WNK2: variants seen among roughly 807,000 people sequenced by gnomAD.
WNK2 encodes the protein WNK lysine deficient protein kinase 2, also known as serine/threonine-protein kinase WNK2.
WNK2 carries 67 observed loss-of-function variants against 192.1 expected under a neutral mutation model. That is an observed-to-expected ratio of 0.35 (90% CI 0.29 to 0.43). The LOEUF (loss-of-function observed/expected upper bound fraction) is 0.43. Among genes scored for constraint, WNK2 ranks in the 20% least tolerant of loss-of-function variants. WNK2 has a pLI of 1.00. For missense variants in WNK2, 2,698 were observed against 3,089.7 expected, an observed-to-expected ratio of 0.87 and a Z score of 3.01; for synonymous variants, 1,439 against 1,393.9, an observed-to-expected ratio of 1.03 and a Z score of -0.72.
In WNK2 at chr9:93,297,991, C is replaced by G; in HGVS notation, c.5847C>G (p.Thr1949=). Residue 1949 remains threonine (T), a synonymous_variant, in exon 24 of 30, where the codon ACC becomes ACG. Transcript: ENST00000427277. ...TAPPTGRRRK[T]SKSKLKAGKL... The stretch of plus-strand genomic sequence containing the variant: ...CCCCCACTGGCCGCCGGAGAAAAAC[C>G]AGCAAGAGCAAGCTGAAGGCAGGCA... 6.4e-7 allele frequency: 1 copy of G among 1,562,146 alleles called. No individual in the cohort carries two copies. Among genetic ancestry groups the G allele is most frequent in the Non-Finnish European group, 8.7e-7 (1 of 1,154,148 alleles).
At chr9:93,184,750 C>T (rs1828961462) in intron 1 of WNK2, among the ~76,000 whole-genome samples, 178 bp from the exon 2 acceptor site, 2 of 152,120 alleles carry the variant, frequency 1.3e-5, no homozygotes, top group African/African-American at 4.8e-5. Context: ...CCAACCCAAG[C>T]CTCTGGTCCC....
chr9:93,314,890 C>CG (rs373134529), intron 28 of WNK2, among the ~76,000 whole-genome samples: 2,638 of 151,714 alleles, frequency 0.017, 46 homozygotes, highest in African/African-American at 0.052. Context: ...GAGGCTTTCC[C>CG]GGGGGGGGTT....
chr9:93,208,664 CTG>C lies in WNK2; in HGVS notation c.682-21026_682-21025del, dbSNP rs1178412465. On this transcript the variant is annotated intron_variant, in intron 2 of 29. Coordinates refer to ENST00000427277, the MANE Select transcript of WNK2 (RefSeq NM_006648.4). ...CACATGTTCTGTGTGTGCATGTATT[CTG>C]TGTGTTCTTCATGTGTGCATGTGTT... 1.6e-4 allele frequency among the ~76,000 whole-genome samples: 6 copies of C among 36,580 alleles called. No individual in the cohort carries two copies. In the South Asian group the frequency reaches 2.7e-3, roughly 17 times the overall value. The allele number at this position is 36,580 out of a possible 152,430, so 24.0% of individuals were successfully genotyped here.
chr9:93,288,345 T>TA lies in WNK2; in HGVS notation c.4034-440dup, dbSNP rs571467436. Among the ~76,000 whole-genome samples, 37 of 151,246 alleles carry TA rather than the reference T, an allele frequency of 2.4e-4. No homozygotes were observed. In the South Asian group the frequency reaches 7.8e-3, roughly 32 times the overall value. On this transcript the variant is annotated intron_variant, in intron 19 of 29. Transcript: ENST00000427277. ...ATGGAAGTGTGTACAGCTCACTACT[T>TA]AAACTCTTTAATTTTGAAATTTCAT...
At chr9:93,190,212 G>A (rs568626346) in intron 2 of WNK2, among the ~76,000 whole-genome samples, 1 of 152,270 alleles carries the variant, frequency 6.6e-6, no homozygotes, top group African/African-American at 2.4e-5. Context: ...CCCTCCCACC[G>A]GGGCAGAAAT....
At chr9:93,293,942 G>GTC (rs1013277219) in intron 23 of WNK2, among the ~76,000 whole-genome samples, 8 of 151,054 alleles carry the variant, frequency 5.3e-5, no homozygotes, top group Non-Finnish European at 8.8e-5. Context: ...CTCTGTCTCT[G>GTC]TCTCTCTCTC....
chr9:93,320,506 AT>A lies in WNK2; in HGVS notation c.*120del, dbSNP rs974857526. 47 of 1,122,740 alleles carry A rather than the reference AT, an allele frequency of 4.2e-5. No individual in the cohort carries two copies. In the African/African-American group the frequency reaches 7.1e-4, roughly 17 times the overall value. The allele number at this position is 1,122,740 out of a possible 1,614,324, so 69.5% of individuals were successfully genotyped here. ...GCTGTTTTGTAACCACTTTCTAAGC[AT>A]TTTTTATTCACAATTGGAAACACAA... On this transcript the variant is annotated 3_prime_UTR_variant, in exon 30 of 30. Coordinates refer to ENST00000427277, the MANE Select transcript of WNK2 (RefSeq NM_006648.4).
At chr9:93,277,777 T>C (rs1204566609) in intron 19 of WNK2, among the ~76,000 whole-genome samples, 2 of 152,174 alleles carry the variant, frequency 1.3e-5, no homozygotes, top group African/African-American at 4.8e-5. Flanking sequence ...TGGATACATG[T>C]GTGTCAAAAC....
intron 7 of WNK2, among the ~76,000 whole-genome samples, 197 bp downstream of exon 7, chr9:93,240,173 G>T (rs375059305): frequency 6.6e-6 from 1 of 152,176 alleles, no homozygotes; most frequent in African/African-American, 2.4e-5. Flanking sequence ...TCTGCACAGG[G>T]GTGGCCTAAG....
chr9:93,301,460 G>A (rs1006040283), intron 26 of WNK2, among the ~76,000 whole-genome samples: 3 of 152,186 alleles, frequency 2.0e-5, no homozygotes. Context: ...AGGGCTTCCC[G>A]TTCGCCTGTT....
At chr9:93,219,534 A>G (rs1836415258) in intron 2 of WNK2, among the ~76,000 whole-genome samples, 1 of 152,192 alleles carries the variant, frequency 6.6e-6, no homozygotes, top group South Asian at 2.1e-4. Flanking sequence ...ATTGGCTTTT[A>G]GCTGGTGGTC....
At chr9:93,260,473 C>T (rs1365760721) in intron 12 of WNK2, among the ~76,000 whole-genome samples, 1 of 152,176 alleles carries the variant, frequency 6.6e-6, no homozygotes, top group Non-Finnish European at 1.5e-5. Flanking sequence ...AACTGTGGCA[C>T]AGCCCTGCCT....
Position 93,239,847 on chromosome 9 carries a change from G to A in WNK2, c.1413G>A (p.Lys471=). 1 of 1,598,646 alleles carries A rather than the reference G, an allele frequency of 6.3e-7. No individual in the cohort carries two copies. Among genetic ancestry groups the A allele is most frequent in the Non-Finnish European group, 8.5e-7 (1 of 1,173,118 alleles). The change falls in exon 7 of 30, where the codon AAG becomes AAA. Residue 471 remains lysine, a synonymous_variant. Transcript: ENST00000427277. This position sits in a 1 kb window ranked among gnomAD's most constrained non-coding sequence, Gnocchi z 4.2. Reference sequence around the variant, plus strand: ...TCGCGGAGGAGGACCACGGCAGGAAGTCCACCATCGCCCTGAGGCTCTGGG... The same window carrying A: ...TCGCGGAGGAGGACCACGGCAGGAAATCCACCATCGCCCTGAGGCTCTGGG... ...VELAEEDHGR[K]STIALRLWVE...
chr9:93,247,502 G>A lies in WNK2; in HGVS notation c.1543-41G>A, dbSNP rs772511696. On this transcript the variant is annotated intron_variant, in intron 7 of 29. Transcript: ENST00000427277. The surrounding 1 kb of genome is among the most constrained non-coding windows in gnomAD (Gnocchi z 5.2). ...AGGTAAGGGGTGTGGGCCGGTGAGGGCTGATCCCCAGCGATGCTGACAACA... is the reference window on the plus strand; with the variant it reads ...AGGTAAGGGGTGTGGGCCGGTGAGGACTGATCCCCAGCGATGCTGACAACA... 12 of 1,591,020 alleles carry A rather than the reference G, an allele frequency of 7.5e-6. No individual in the cohort carries two copies. The highest frequency in any genetic ancestry group is 1.0e-5 in the Non-Finnish European group (12 of 1,168,644).
chr9:93,278,437 C>T (rs1847263715), intron 19 of WNK2, among the ~76,000 whole-genome samples: 1 of 152,198 alleles, frequency 6.6e-6, no homozygotes, highest in African/African-American at 2.4e-5. Context: ...CTGTTCCTGC[C>T]AGCCAGCTGG....
intron 2 of WNK2, among the ~76,000 whole-genome samples, chr9:93,190,279 G>A (rs111373331): frequency 5.1e-4 from 78 of 152,350 alleles, no homozygotes; most frequent in African/African-American, 1.8e-3. Flanking sequence ...GGCGAGGTGT[G>A]TGTCAGCAGC....
rs1157707926 is a variant in WNK2, at chr9:93,256,441, C to T, written c.2177C>T (p.Pro726Leu). The change falls in exon 10 of 30, where the codon CCC becomes CTC. Residue 726 changes from proline (P) to leucine (L), a missense_variant. Physicochemically the swap from Pro to Leu is moderately conservative, Grantham distance 98. Transcript: ENST00000427277. ...PMPTGPGQPAPPGQQPPPLAQ... is the reference protein window; with the variant it reads ...PMPTGPGQPALPGQQPPPLAQ... ...CCCACGGGCCCAGGCCAGCCAGCAC[C>T]CCCCGGCCAGCAGGTGAGTGTGGCA... The T allele has an allele frequency of 2.0e-6, 3 of 1,528,806 alleles. No individual in the cohort carries two copies. The highest frequency in any genetic ancestry group is 2.6e-6 in the Non-Finnish European group (3 of 1,142,526). The allele number at this position is 1,528,806 out of a possible 1,614,324, so 94.7% of individuals were successfully genotyped here. A position where few individuals can be genotyped will look rare whatever the true frequency, so the allele number is the denominator to read the frequency against.
At chr9:93,313,301 GTGTCTAAACTGC>G (rs1050735475) in intron 28 of WNK2, among the ~76,000 whole-genome samples, 73 of 150,158 alleles carry the variant, frequency 4.9e-4, no homozygotes, top group African/African-American at 1.7e-3. Flanking sequence ...ATTTTTCTTT[GTGTCTAAACTGC>G]TGTTAAACCT....
intron 18 of WNK2, 128 bp downstream of exon 18, chr9:93,268,193 T>G: frequency 7.8e-7 from 1 of 1,282,472 alleles, no homozygotes; most frequent in Non-Finnish European, 1.1e-6. Flanking sequence ...GGGGCCCCAG[T>G]CTGGGGACAG....
Sources: allele counts gnomAD v4.1 joint callset (sites outside exome capture counted in the v4.1 genomes callset), GRCh38; gene constraint gnomAD v4.1.1; non-coding constraint Gnocchi (gnomAD v3.1); transcripts MANE v1.5; gene names NCBI Gene and HGNC (gene_info 2026-07-23, HGNC 2026-07-21).